NAPEPLD: variants seen among roughly 807,000 people sequenced by gnomAD.
The protein encoded by NAPEPLD is N-acyl-phosphatidylethanolamine-hydrolyzing phospholipase D.
NAPEPLD carries 23 observed loss-of-function variants against 38.1 expected under a neutral mutation model. That is an observed-to-expected ratio of 0.60 (90% CI 0.43 to 0.86). NAPEPLD has a LOEUF of 0.86. NAPEPLD is among the 40% of genes least tolerant of loss of function. The probability of loss-of-function intolerance (pLI) is 0.00; values close to 1 mark genes in which losing one functional copy is unlikely to be tolerated. For missense variants in NAPEPLD, 411 were observed against 476.8 expected (o/e 0.86, Z 1.28); for synonymous variants, 147 against 162.0 (o/e 0.91, Z 0.71).
chr7:103,104,880 TTC>T (rs1802988157), intron 4 of NAPEPLD, among the ~76,000 whole-genome samples: 1 of 152,196 alleles, frequency 6.6e-6, no homozygotes, highest in Non-Finnish European at 1.5e-5. Context: ...TTTTGTTAAA[TTC>T]TCTTTCTCCC....
At position 103,100,797 on chromosome 7, in the gene NAPEPLD, A is replaced by G. The variant is rs1802288547; in HGVS notation, c.*2632T>C. ...AAACCCTTCAAAATGTAGATAACAA[A>G]TGAAAAATAAAGTGGAACCCACTCA... On this transcript the variant is annotated 3_prime_UTR_variant, in exon 5 of 5. Transcript: ENST00000465647. The G allele has an allele frequency of 1.3e-5, 2 of 152,228 alleles. No homozygotes were observed. Among genetic ancestry groups the G allele is most frequent in the Admixed American group, 1.3e-4 (2 of 15,282 alleles). The allele number at this position is 152,228 out of a possible 1,614,324, so 9.4% of individuals were successfully genotyped here.
chr7:103,107,830 A>G (rs1803697463), intron 4 of NAPEPLD, among the ~76,000 whole-genome samples: 1 of 152,192 alleles, frequency 6.6e-6, no homozygotes, highest in Admixed American at 6.5e-5. Flanking sequence ...ACTCTTCAGA[A>G]TATTATCCAG....
At chr7:103,142,876 A>G (rs1811728199) in intron 1 of NAPEPLD, among the ~76,000 whole-genome samples, 1 of 152,192 alleles carries the variant, frequency 6.6e-6, no homozygotes, top group Admixed American at 6.5e-5. Context: ...AAAAATGACC[A>G]GAAGACAGAG....
At chr7:103,113,087 C>G (rs1440275061) in intron 4 of NAPEPLD, among the ~76,000 whole-genome samples, 1 of 152,186 alleles carries the variant, frequency 6.6e-6, no homozygotes, top group Non-Finnish European at 1.5e-5. Context: ...TGATTCCTTT[C>G]TTTGCATAGG....
intron 4 of NAPEPLD, among the ~76,000 whole-genome samples, chr7:103,113,692 G>A (rs1199616435): frequency 7.4e-6 from 1 of 135,980 alleles, no homozygotes; most frequent in Non-Finnish European, 1.5e-5. Context: ...AGGAAGTGCC[G>A]TAATCTCGGC....
chr7:103,149,251 G>A (rs1813246120), upstream of NAPEPLD: 17 of 998,358 alleles, frequency 1.7e-5, no homozygotes, highest in Non-Finnish European at 1.9e-5. Context: ...CAGAGCGGCG[G>A]GGTGCGAGCG....
chr7:103,124,589 T>C (rs1807377601), intron 2 of NAPEPLD, among the ~76,000 whole-genome samples: 1 of 152,240 alleles, frequency 6.6e-6, no homozygotes, highest in African/African-American at 2.4e-5. Flanking sequence ...CTTTCTTGGC[T>C]GGTCTTCCTT....
At chr7:103,120,980 GGTATTATAGGCGT>G (rs1806580393) in intron 2 of NAPEPLD, among the ~76,000 whole-genome samples, 2 of 152,032 alleles carry the variant, frequency 1.3e-5, no homozygotes, top group African/African-American at 4.8e-5. Context: ...CCAAAGTGCT[GGTATTATAGGCGT>G]GAGCCACTGT....
intron 1 of NAPEPLD, among the ~76,000 whole-genome samples, chr7:103,136,336 A>G (rs1180299601): frequency 6.6e-6 from 1 of 151,254 alleles, no homozygotes; most frequent in Non-Finnish European, 1.5e-5. Context: ...CTTTGGAAGG[A>G]CGAGGTGGGC....
Position 103,102,565 on chromosome 7 carries a change from C to G in NAPEPLD, c.*864G>C, listed in dbSNP as rs1476731229. 1.3e-5 allele frequency: 2 copies of G among 151,594 alleles called. No homozygotes were observed. The highest frequency in any genetic ancestry group is 1.3e-4 in the Admixed American group (2 of 15,198). The allele number at this position is 151,594 out of a possible 1,614,324, so 9.4% of individuals were successfully genotyped here. On this transcript the variant is annotated 3_prime_UTR_variant, in exon 5 of 5. Coordinates refer to ENST00000465647, the MANE Select transcript of NAPEPLD (RefSeq NM_001122838.3). The stretch of plus-strand genomic sequence containing the variant: ...GTCACCATGTTGCCCAGGTTGATGT[C>G]AAACTCCTGGGTTCAAGTGACCCAC...
intron 2 of NAPEPLD, among the ~76,000 whole-genome samples, chr7:103,121,077 C>G (rs1380465945): frequency 6.6e-6 from 1 of 152,062 alleles, no homozygotes; most frequent in South Asian, 2.1e-4. Flanking sequence ...GGACAAATCA[C>G]AGTCATAAAT....
intron 1 of NAPEPLD, among the ~76,000 whole-genome samples, chr7:103,139,191 C>T (rs1410618457): frequency 6.6e-6 from 1 of 152,162 alleles, no homozygotes; most frequent in Non-Finnish European, 1.5e-5. Flanking sequence ...CCAGATATTA[C>T]CTGTAAGGGC....
In NAPEPLD at chr7:103,100,368, C is replaced by G. The variant is rs1018765311; in HGVS notation, c.*3061G>C. 6.6e-6 allele frequency: 1 copy of G among 152,150 alleles called. No homozygotes were observed. Among genetic ancestry groups the G allele is most frequent in the Non-Finnish European group, 1.5e-5 (1 of 68,032 alleles). 9.4% of individuals were successfully genotyped at this position (152,150 alleles called of 1,614,324 possible). On this transcript the variant is annotated 3_prime_UTR_variant, in exon 5 of 5. Transcript: ENST00000465647. ...AGATTCTAAAACTGTGTCTTCTTGT[C>G]CTCTCATTAGTTTGAATAATCACAC... is the stretch of plus-strand genomic sequence containing the variant.
At chr7:103,109,372 G>T (rs899062802) in intron 4 of NAPEPLD, among the ~76,000 whole-genome samples, 8 of 152,090 alleles carry the variant, frequency 5.3e-5, no homozygotes, top group African/African-American at 1.9e-4. Flanking sequence ...CAAAAGAAAG[G>T]AAATCATAAC....
chr7:103,104,491 T>C (rs114471631), intron 4 of NAPEPLD, among the ~76,000 whole-genome samples: 2,883 of 152,278 alleles, frequency 0.019, 97 homozygotes, highest in African/African-American at 0.064. Context: ...CCAGGCAAGT[T>C]TCCTGAGCCC....
upstream of NAPEPLD, chr7:103,149,684 T>C (rs946385702): frequency 3.6e-6 from 1 of 276,654 alleles, no homozygotes. Context: ...ACTCAAACAC[T>C]CTGCAGGGAC....
chr7:103,122,422 C>T (rs1040810260), intron 2 of NAPEPLD, among the ~76,000 whole-genome samples: 1 of 151,874 alleles, frequency 6.6e-6, no homozygotes, highest in Non-Finnish European at 1.5e-5. Context: ...AAGGATACAC[C>T]GGTAGACACA....
intron 4 of NAPEPLD, among the ~76,000 whole-genome samples, chr7:103,111,658 T>G (rs756547507): frequency 2.0e-5 from 3 of 152,166 alleles, no homozygotes; most frequent in Non-Finnish European, 2.9e-5. Context: ...ATAAAAACCC[T>G]AGAAGAAAAC....
intron 4 of NAPEPLD, among the ~76,000 whole-genome samples, chr7:103,109,454 T>C (rs774670304): frequency 2.6e-5 from 4 of 152,106 alleles, no homozygotes; most frequent in Non-Finnish European, 5.9e-5. Flanking sequence ...CACAACTGCA[T>C]GGAAACTGAA....
Sources: allele counts gnomAD v4.1 joint callset (sites outside exome capture counted in the v4.1 genomes callset), GRCh38; gene constraint gnomAD v4.1.1; transcripts MANE v1.5; gene names NCBI Gene and HGNC (gene_info 2026-07-23, HGNC 2026-07-21).